Variants in LYPLA1 observed in about 807,000 individuals in gnomAD.
LYPLA1 encodes lysophospholipase 1.
A neutral mutation model predicts 34.0 loss-of-function variants in LYPLA1; 17 were observed. The ratio of observed to expected loss-of-function variants is 0.50; its 90% CI spans 0.34 to 0.75. LYPLA1 has a LOEUF of 0.75. Ranked by LOEUF, LYPLA1 falls within the 30% of genes least tolerant of loss-of-function variation. The pLI is 0.01. For synonymous variants in LYPLA1, 98 were observed against 100.8 expected (o/e 0.97, Z 0.17); for missense variants, 203 against 288.8 (o/e 0.70, Z 2.15).
rs1179047782 is a variant in LYPLA1, at chr8:54,101,575, C to A, written c.69+180G>T. Reference sequence around the variant, plus strand: ...GACTGGCCCTCGCGCCGGCTGTGACCCCCCGGCTGCCCCCGCCCCCCGCGG... The same window carrying A: ...GACTGGCCCTCGCGCCGGCTGTGACACCCCGGCTGCCCCCGCCCCCCGCGG... On this transcript the variant is annotated intron_variant, in intron 1 of 8. Transcript: ENST00000316963. 4 of 1,149,858 alleles carry A rather than the reference C, an allele frequency of 3.5e-6. No individual in the cohort carries two copies. The African/African-American group carries it at 4.9e-5, about 14-fold the overall frequency. 71.2% of individuals were successfully genotyped at this position (1,149,858 alleles called of 1,614,324 possible).
intron 5 of LYPLA1, 47 bp from the exon 6 acceptor site, chr8:54,055,180 C>A: frequency 1.8e-6 from 2 of 1,103,092 alleles, no homozygotes; most frequent in South Asian, 2.8e-5. Flanking sequence ...AGAGTTAAGC[C>A]CACTGATAAA....
intron 6 of LYPLA1, chr8:54,054,746 C>A (rs985209438): frequency 1.9e-5 from 4 of 211,208 alleles, no homozygotes; most frequent in Non-Finnish European, 2.8e-5. Context: ...ATTCTCTTGT[C>A]TTCCACTTTA....
chr8:54,064,868 C>CAA (rs567220509), intron 3 of LYPLA1, among the ~76,000 whole-genome samples: 3 of 145,952 alleles, frequency 2.1e-5, no homozygotes, highest in Non-Finnish European at 4.5e-5. Context: ...TTAAAAATCG[C>CAA]AAAAAAAAAA....
chr8:54,101,472 G>A (rs1810144883), intron 1 of LYPLA1: 6 of 1,110,154 alleles, frequency 5.4e-6, no homozygotes, highest in Non-Finnish European at 6.6e-6. Context: ...ACACGCTGCA[G>A]AGGCTGACGC....
At chr8:54,073,016 C>A in intron 2 of LYPLA1, 2 of 406,900 alleles carry the variant, frequency 4.9e-6, no homozygotes, top group Non-Finnish European at 9.2e-6. Context: ...TAGAGAAATG[C>A]AAATCAAAAC....
intron 2 of LYPLA1, among the ~76,000 whole-genome samples, chr8:54,067,060 C>T (rs1206017717): frequency 5.9e-5 from 9 of 151,968 alleles, no homozygotes; most frequent in African/African-American, 2.2e-4. Flanking sequence ...ATCCCAGCTA[C>T]TCAGGAGGCT....
At chr8:54,065,483 T>C (rs1004468924) in intron 3 of LYPLA1, among the ~76,000 whole-genome samples, 13 of 150,538 alleles carry the variant, frequency 8.6e-5, no homozygotes, top group African/African-American at 2.9e-4. Flanking sequence ...AATAAATAAA[T>C]AAATAAAATA....
chr8:54,061,848 GGTTT>G (rs1586097335), intron 5 of LYPLA1, among the ~76,000 whole-genome samples: 1 of 151,808 alleles, frequency 6.6e-6, no homozygotes, highest in Admixed American at 6.6e-5. Context: ...GGTTTTTTTT[GGTTT>G]GTTTTTGTTT....
At chr8:54,099,690 G>A (rs1809964032) in intron 2 of LYPLA1, among the ~76,000 whole-genome samples, 1 of 151,924 alleles carries the variant, frequency 6.6e-6, no homozygotes, top group Non-Finnish European at 1.5e-5. Flanking sequence ...CTAGCCTAAT[G>A]GCATTTTTTT....
intron 5 of LYPLA1, among the ~76,000 whole-genome samples, chr8:54,056,530 T>A (rs1046298533): frequency 4.6e-5 from 7 of 152,048 alleles, no homozygotes; most frequent in Admixed American, 4.6e-4. Flanking sequence ...GAGAAAATAT[T>A]TGGAAACTAC....
chr8:54,098,214 C>G (rs1308980478), intron 2 of LYPLA1, among the ~76,000 whole-genome samples: 2 of 151,656 alleles, frequency 1.3e-5, no homozygotes, highest in South Asian at 4.2e-4. Context: ...CAGAGCAAGA[C>G]TCTGTCTCAA....
chr8:54,094,342 G>A (rs911037330), intron 2 of LYPLA1, among the ~76,000 whole-genome samples: 3 of 152,156 alleles, frequency 2.0e-5, no homozygotes, highest in Non-Finnish European at 4.4e-5. Flanking sequence ...ATATTCAGCA[G>A]ATGGGGAGAG....
intron 1 of LYPLA1, chr8:54,101,489 C>A: frequency 1.8e-6 from 2 of 1,119,264 alleles, no homozygotes; most frequent in Middle Eastern, 3.8e-4. Context: ...ACGCCGTGCC[C>A]TAGGCCGGCC....
At chr8:54,051,388 T>A (rs1805834476) in intron 7 of LYPLA1, among the ~76,000 whole-genome samples, 200 bp from the exon 8 acceptor site, 1 of 152,200 alleles carries the variant, frequency 6.6e-6, no homozygotes, top group Non-Finnish European at 1.5e-5. Flanking sequence ...TGCCTCATAT[T>A]ATAATATATA....
intron 7 of LYPLA1, among the ~76,000 whole-genome samples, chr8:54,052,212 T>C (rs1805893817): frequency 6.6e-6 from 1 of 152,248 alleles, no homozygotes; most frequent in South Asian, 2.1e-4. Flanking sequence ...TATCCTAAAA[T>C]GTATCAAATC....
chr8:54,086,581 C>T (rs1292348214), intron 2 of LYPLA1, among the ~76,000 whole-genome samples: 1 of 112,466 alleles, frequency 8.9e-6, no homozygotes, highest in Non-Finnish European at 1.7e-5. Context: ...AAAAAAAAGA[C>T]AGCCAGGTGT....
At chr8:54,095,468 C>A (rs1354595103) in intron 2 of LYPLA1, among the ~76,000 whole-genome samples, 1 of 152,064 alleles carries the variant, frequency 6.6e-6, no homozygotes, top group Admixed American at 6.5e-5. Context: ...ATCAAGGTAT[C>A]TCCCCACAAA....
chr8:54,046,227 T>A (rs1221098158), downstream of LYPLA1: 1 of 152,184 alleles, frequency 6.6e-6, no homozygotes, highest in East Asian at 1.9e-4. Flanking sequence ...TTATGCCTGG[T>A]TCCATTCTAA....
At chr8:54,053,505 G>A in intron 6 of LYPLA1, 1 of 427,830 alleles carries the variant, frequency 2.3e-6, no homozygotes, top group South Asian at 1.6e-5. Context: ...TCTGGAAGCT[G>A]TACTCCTGCC....
Sources: allele counts gnomAD v4.1 joint callset (sites outside exome capture counted in the v4.1 genomes callset), GRCh38; gene constraint gnomAD v4.1.1; transcripts MANE v1.5; gene names NCBI Gene and HGNC (gene_info 2026-07-23, HGNC 2026-07-21).